The following SLC4A8 variants were observed in gnomAD, a reference collection of about 807,000 sequenced individuals.
The protein encoded by SLC4A8 is solute carrier family 4 member 8.
SLC4A8 carries 40 observed loss-of-function variants against 125.0 expected under a neutral mutation model. The ratio of observed to expected loss-of-function variants is 0.32; its 90% CI spans 0.25 to 0.42. The LOEUF is 0.42. Ranked by LOEUF, SLC4A8 falls within the 10% of genes least tolerant of loss-of-function variation. The probability of loss-of-function intolerance (pLI) is 1.00; values close to 1 mark genes in which losing one functional copy is unlikely to be tolerated. For synonymous variants in SLC4A8, 456 were observed against 476.0 expected, an observed-to-expected ratio of 0.96 and a Z score of 0.55; for missense variants, 863 against 1,355.1, an observed-to-expected ratio of 0.64 and a Z score of 5.70.
rs372308407 is a variant in SLC4A8 at position 51,462,807 on chromosome 12, C to T, written c.1248+351C>T. On this transcript the variant is annotated intron_variant, in intron 10 of 24. Transcript: ENST00000453097. ...ACTTGGGAGGCTGAGGCAGGAGAAT[C>T]GCTTGAACCCGGGAGGCGGAGGATG... 4.1e-4 allele frequency: 63 copies of T among 155,032 alleles called. 1 individual carries two copies. In the South Asian group the frequency reaches 6.7e-3, roughly 16 times the overall value. 9.6% of individuals were successfully genotyped at this position (155,032 alleles called of 1,614,324 possible).
intron 19 of SLC4A8, among the ~76,000 whole-genome samples, chr12:51,491,737 GCAGACA>G (rs1349784700): frequency 2.5e-4 from 32 of 126,914 alleles, no homozygotes; most frequent in Admixed American, 3.2e-4. Flanking sequence ...CTGGGGATGG[GCAGACA>G]CACACACACA....
chr12:51,420,717 G>A (rs573909481), upstream of SLC4A8, among the ~76,000 whole-genome samples: 8 of 152,302 alleles, frequency 5.3e-5, no homozygotes, highest in East Asian at 1.9e-4. Flanking sequence ...GGATGGCCAC[G>A]TCAGGAAGCC....
At chr12:51,466,101 A>G (rs1173980179) in intron 11 of SLC4A8, among the ~76,000 whole-genome samples, 1 of 152,144 alleles carries the variant, frequency 6.6e-6, no homozygotes, top group Non-Finnish European at 1.5e-5. Flanking sequence ...CTCTAAGAAG[A>G]TGGGAAAGGA....
At chr12:51,392,836 CGT>C (rs1196175497) in intron 1 of SLC4A8, 5 of 152,142 alleles carry the variant, frequency 3.3e-5, no homozygotes, top group Non-Finnish European at 7.3e-5. Flanking sequence ...GGCGCTGCCT[CGT>C]GTGCTGCAAT....
Position 51,471,319 on chromosome 12 carries a change from C to T in SLC4A8, c.1691C>T (p.Ala564Val). The T allele has an allele frequency of 6.2e-7, 1 of 1,613,658 alleles. No individual in the cohort carries two copies. The highest frequency in any genetic ancestry group is 8.5e-7 in the Non-Finnish European group (1 of 1,179,958). Residue 564 changes from alanine (A) to valine (V), a missense_variant, in exon 14 of 25, where the codon GCT becomes GTT. Coordinates refer to ENST00000453097, the MANE Select transcript of SLC4A8 (RefSeq NM_001039960.3). The stretch of plus-strand genomic sequence containing the variant: ...GCTCTTTCATACCTCTCCCTGCGAG[C>T]TTGTATTGGACTGTGGACCGCTTTC... ...DYALSYLSLR[A>V]CIGLWTAFLC...
At chr12:51,471,728 G>A (rs910572559) in intron 14 of SLC4A8, 196 bp downstream of exon 14, 4 of 600,262 alleles carry the variant, frequency 6.7e-6, no homozygotes, top group Admixed American at 3.3e-5. Context: ...AGAGAAGATC[G>A]ACTAGAAGTG....
chr12:51,397,435 A>G (rs930994236), intron 1 of SLC4A8, among the ~76,000 whole-genome samples: 3 of 152,284 alleles, frequency 2.0e-5, no homozygotes, highest in Admixed American at 2.0e-4. Context: ...TTGGATTGGG[A>G]CGTGGACAAA....
At chr12:51,456,929 A>G (rs1313794005) in intron 5 of SLC4A8, among the ~76,000 whole-genome samples, 1 of 152,198 alleles carries the variant, frequency 6.6e-6, no homozygotes, top group Non-Finnish European at 1.5e-5. Context: ...CAATGTTAAA[A>G]TCTTGGAGGA....
intron 23 of SLC4A8, among the ~76,000 whole-genome samples, chr12:51,505,311 G>A (rs1938119042): frequency 6.6e-6 from 1 of 152,142 alleles, no homozygotes; most frequent in African/African-American, 2.4e-5. Context: ...GTTTGACCTT[G>A]GATAGTCACT....
In SLC4A8 at chr12:51,453,755, G is replaced by GA. The variant is rs922590785; in HGVS notation, c.574+62dup. On this transcript the variant is annotated intron_variant, in intron 5 of 24. Transcript: ENST00000453097. ...TTTCTTATAAATTTAAGAAGTGTGG[G>GA]AAAAAAGGAGTGTGGCGTGACAGAA... 9 of 1,457,662 alleles carry GA rather than the reference G, an allele frequency of 6.2e-6. No homozygotes were observed. In the African/African-American group the frequency reaches 1.3e-4, roughly 21 times the overall value. The allele number at this position is 1,457,662 out of a possible 1,614,324, so 90.3% of individuals were successfully genotyped here.
In SLC4A8 at chr12:51,513,782, G is replaced by A. The variant is rs1230784285; in HGVS notation, c.*6344G>A. On this transcript the variant is annotated 3_prime_UTR_variant, in exon 25 of 25. Transcript: ENST00000453097. ...ATTGGCTTTTAAATTAATCACAAAT[G>A]TTTGATAAAATTCTGGTATGTGCTA... 6.6e-6 allele frequency: 1 copy of A among 152,200 alleles called. No homozygotes were observed. The highest frequency in any genetic ancestry group is 1.5e-5 in the Non-Finnish European group (1 of 68,032). 9.4% of individuals were successfully genotyped at this position (152,200 alleles called of 1,614,324 possible).
chr12:51,460,410 A>G (rs1347233800), intron 8 of SLC4A8, among the ~76,000 whole-genome samples: 1 of 152,052 alleles, frequency 6.6e-6, no homozygotes, highest in East Asian at 1.9e-4. Context: ...AAAAAAAATC[A>G]GCAGTAATCT....
intron 11 of SLC4A8, among the ~76,000 whole-genome samples, chr12:51,464,219 A>G (rs1950442490): frequency 6.6e-6 from 1 of 152,172 alleles, no homozygotes; most frequent in African/African-American, 2.4e-5. Context: ...CAGAGGCTCT[A>G]TTATATTCCT....
chr12:51,457,412 G>C lies in SLC4A8; in HGVS notation c.636G>C (p.Val212=), dbSNP rs768967843. 7 of 1,614,026 alleles carry C rather than the reference G, an allele frequency of 4.3e-6. No individual in the cohort carries two copies. Among genetic ancestry groups the C allele is most frequent in the Non-Finnish European group, 4.2e-6 (5 of 1,179,930 alleles). Residue 212 remains valine (V), a synonymous_variant, in exon 6 of 25, where the codon GTG becomes GTC. Coordinates refer to ENST00000453097, the MANE Select transcript of SLC4A8 (RefSeq NM_001039960.3). ...TGAATGACAGCATGAGGGTTAAAGT[G>C]CGGGAAGCCCTTCTCAAAAAGCATC... is the stretch of plus-strand genomic sequence containing the variant. The part of the protein sequence containing the change: ...SDLNDSMRVK[V]REALLKKHHH...
intron 1 of SLC4A8, among the ~76,000 whole-genome samples, chr12:51,439,246 G>A (rs943432872): frequency 1.3e-5 from 2 of 152,038 alleles, no homozygotes; most frequent in African/African-American, 2.4e-5. Context: ...TAGTAGAGAT[G>A]GGGTTTCACC....
chr12:51,391,909 G>A (rs1948125598), intron 1 of SLC4A8: 1 of 152,418 alleles, frequency 6.6e-6, no homozygotes, highest in South Asian at 2.1e-4. Context: ...CCCCAAAGAG[G>A]ACAGGCATTA....
rs116018589 is a variant in SLC4A8 at position 51,477,521 on chromosome 12, A to G, written c.2172+2315A>G. ...TGGTACAATGCCAAATGCCCACAGC[A>G]GCATTATATTGTACTTTGCCAAAGG... is the stretch of plus-strand genomic sequence containing the variant. On this transcript the variant is annotated intron_variant, in intron 16 of 24. Transcript: ENST00000453097. 5.5e-3 allele frequency among the ~76,000 whole-genome samples: 833 copies of G among 152,346 alleles called. 11 individuals are homozygous for G. Among genetic ancestry groups the G allele is most frequent in the African/African-American group, 0.019 (771 of 41,588 alleles).
At chr12:51,499,407 A>T (rs112234127) in intron 22 of SLC4A8, among the ~76,000 whole-genome samples, 1 of 151,784 alleles carries the variant, frequency 6.6e-6, no homozygotes, top group African/African-American at 2.4e-5. Flanking sequence ...GTGTTGCTCT[A>T]TGTCTCTCTA....
intron 2 of SLC4A8, among the ~76,000 whole-genome samples, chr12:51,442,903 C>A (rs1043646969): frequency 3.3e-5 from 5 of 152,092 alleles, no homozygotes; most frequent in African/African-American, 1.2e-4. Context: ...TAGAATAAAA[C>A]GAGTACCATT....
Sources: gnomAD v4.1 joint callset for allele counts (sites outside exome capture counted in the v4.1 genomes callset) on GRCh38, gnomAD v4.1.1 for gene constraint, MANE v1.5 for transcripts, NCBI Gene and HGNC (gene_info 2026-07-23, HGNC 2026-07-21) for gene names.